ZNF320: variants seen among roughly 807,000 people sequenced by gnomAD.
ZNF320 encodes zinc finger protein 320, also known as zinc finger gene 320.
ZNF320 carries 2 observed loss-of-function variants against 6.8 expected under a neutral mutation model. The ratio of observed to expected loss-of-function variants is 0.29; its 90% CI spans 0.12 to 0.93. ZNF320 has a LOEUF of 0.93. ZNF320 is among the 40% of genes least tolerant of loss of function. The pLI is 0.55. For missense variants in ZNF320, 472 were observed against 611.0 expected (o/e 0.77, Z 2.40); for synonymous variants, 208 against 203.2 (o/e 1.02, Z -0.20).
chr19:52,886,666 C>T (rs2064088809), intron 5 of ZNF320, among the ~76,000 whole-genome samples: 1 of 152,032 alleles, frequency 6.6e-6, no homozygotes, highest in African/African-American at 2.4e-5. Context: ...TTGGGCATGG[C>T]AGCTCGCGCC....
At position 52,887,589 on chromosome 19, in the gene ZNF320, GTTTTGT is replaced by G. The variant is rs749966426; in HGVS notation, c.142+532_142+537del. Among the ~76,000 whole-genome samples, 185 of 152,162 alleles carry G rather than the reference GTTTTGT, an allele frequency of 1.2e-3. 1 individual carries two copies. The highest frequency in any genetic ancestry group is 2.3e-3 in the Non-Finnish European group (154 of 67,970). On this transcript the variant is annotated intron_variant, in intron 5 of 5. Transcript: ENST00000682928. ...GGATATGTTTAAAGTCTACCATAAG[GTTTTGT>G]TTTTGTTTTTTGAGACAGTCTTGCT...
At chr19:52,888,043 A>C (rs2064149773) in intron 5 of ZNF320, 84 bp downstream of exon 5, 2 of 1,590,520 alleles carry the variant, frequency 1.3e-6, no homozygotes, top group Admixed American at 3.7e-5. Context: ...TAGTCAAGCA[A>C]GGATGCAACT....
At chr19:52,870,624 C>T (rs1001929344) in intron 5 of ZNF320, among the ~76,000 whole-genome samples, 32 of 151,978 alleles carry the variant, frequency 2.1e-4, no homozygotes, top group African/African-American at 6.5e-4. Context: ...TGCCATTACA[C>T]GTGTGGTGGT....
intron 5 of ZNF320, among the ~76,000 whole-genome samples, chr19:52,887,013 A>AAAG (rs57262460): frequency 0.32 from 45,217 of 143,046 alleles, 7,742 homozygotes; most frequent in African/African-American, 0.37. Flanking sequence ...AAGGAAAAGA[A>AAAG]AAAACAAAAC....
intron 1 of ZNF320, among the ~76,000 whole-genome samples, chr19:52,894,619 A>C (rs749168613): frequency 6.6e-6 from 1 of 152,176 alleles, no homozygotes; most frequent in African/African-American, 2.4e-5. Flanking sequence ...CACGCCTGTA[A>C]TCCTAGCACT....
intron 1 of ZNF320, chr19:52,895,324 C>CGCAGT (rs1339299410): frequency 2.0e-5 from 3 of 151,916 alleles, no homozygotes; most frequent in Non-Finnish European, 4.4e-5. Flanking sequence ...ATTAGCTTGG[C>CGCAGT]GCAGTGGCAC....
intron 1 of ZNF320, among the ~76,000 whole-genome samples, chr19:52,896,353 A>G (rs1319205296): frequency 6.6e-6 from 1 of 152,146 alleles, no homozygotes; most frequent in East Asian, 1.9e-4. Context: ...GGCCTCCCAA[A>G]GTGCTGGGAT....
In ZNF320 at chr19:52,878,136, G is replaced by C. The variant is rs559526286; in HGVS notation, c.*2460C>G. The C allele has an allele frequency of 4.8e-6, 1 of 208,988 alleles. No individual in the cohort carries two copies. The highest frequency in any genetic ancestry group is 4.2e-5 in the Admixed American group (1 of 23,834). The allele number at this position is 208,988 out of a possible 1,614,324, so 12.9% of individuals were successfully genotyped here. On this transcript the variant is annotated 3_prime_UTR_variant, in exon 6 of 6. Transcript: ENST00000682928. ...CATGAATATGTGTGCCATCTCATAT[G>C]CAATTCCTTATAGATCCAGCTTGGC...
At chr19:52,882,492 A>G (rs991729996) in intron 5 of ZNF320, among the ~76,000 whole-genome samples, 2 of 152,226 alleles carry the variant, frequency 1.3e-5, no homozygotes, top group Non-Finnish European at 2.9e-5. Flanking sequence ...AGATAAGATT[A>G]CAAAAATTAG....
Position 52,876,671 on chromosome 19 carries a change from T to C in ZNF320, c.*3925A>G, listed in dbSNP as rs368720241. The C allele has an allele frequency of 2.0e-5, 3 of 152,330 alleles. No homozygotes were observed. The highest frequency in any genetic ancestry group is 4.1e-4 in the South Asian group (2 of 4,822). 9.4% of individuals were successfully genotyped at this position (152,330 alleles called of 1,614,324 possible). ...CGCCACCACACCAGGCTAATTTCTA[T>C]ATTTTGGTCAAAACGAGGATTCGCC... On this transcript the variant is annotated 3_prime_UTR_variant, in exon 6 of 6. Coordinates refer to ENST00000682928, the MANE Select transcript of ZNF320 (RefSeq NM_001351774.2).
chr19:52,899,864 C>A (rs1035622107), upstream of ZNF320, among the ~76,000 whole-genome samples: 2 of 152,136 alleles, frequency 1.3e-5, no homozygotes, highest in Admixed American at 1.3e-4. Context: ...CTGTATGATT[C>A]GGTTGAGCAT....
chr19:52,893,323 G>GTA (rs772877788), intron 2 of ZNF320: 4 of 152,032 alleles, frequency 2.6e-5, no homozygotes, highest in Admixed American at 6.6e-5. Context: ...TAATAATTAT[G>GTA]TATATATATT....
At chr19:52,903,106 G>A in the ZNF320 span, among the ~76,000 whole-genome samples, 1 of 151,892 alleles carries the variant, frequency 6.6e-6, no homozygotes. Context: ...TCAATAATAG[G>A]AGGCCTTATT....
chr19:52,865,577 T>TATACATATATTTATA (rs2063538343), intron 5 of ZNF320: 1 of 122,056 alleles, frequency 8.2e-6, no homozygotes, highest in African/African-American at 3.4e-5. Flanking sequence ...ACATATATAT[T>TATACATATATTTATA]TATATGATTA....
At position 52,880,513 on chromosome 19, in the gene ZNF320, C is replaced by A; in HGVS notation, c.*83G>T. On this transcript the variant is annotated 3_prime_UTR_variant, in exon 6 of 6. Coordinates refer to ENST00000682928, the MANE Select transcript of ZNF320 (RefSeq NM_001351774.2). ...ACCACGCCTGGCCCAATCCTCTTAACATAAACAGTTTAATGTCGATTAATG... is the reference window on the plus strand; with the variant it reads ...ACCACGCCTGGCCCAATCCTCTTAAAATAAACAGTTTAATGTCGATTAATG... The A allele has an allele frequency of 7.1e-7, 1 of 1,404,864 alleles. No homozygotes were observed. Among genetic ancestry groups the A allele is most frequent in the South Asian group, 1.4e-5 (1 of 73,120 alleles). 87.0% of individuals were successfully genotyped at this position (1,404,864 alleles called of 1,614,324 possible).
chr19:52,866,869 C>CAAAAAAAA (rs58231328), intron 5 of ZNF320, among the ~76,000 whole-genome samples: 22 of 108,890 alleles, frequency 2.0e-4, no homozygotes, highest in African/African-American at 4.2e-4. Context: ...ACAAAACATA[C>CAAAAAAAA]AAAAAAAAAA....
chr19:52,885,561 C>T (rs571259494), intron 5 of ZNF320, among the ~76,000 whole-genome samples: 1 of 151,628 alleles, frequency 6.6e-6, no homozygotes, highest in South Asian at 2.1e-4. Flanking sequence ...CTAAAAATAC[C>T]AAAAATTAGC....
chr19:52,882,583 T>A lies in ZNF320; in HGVS notation c.143-600A>T, dbSNP rs566734899. 4.1e-4 allele frequency among the ~76,000 whole-genome samples: 62 copies of A among 152,236 alleles called. 1 individual carries two copies. Among genetic ancestry groups the A allele is most frequent in the African/African-American group, 1.5e-3 (61 of 41,554 alleles). ...AATTGATTTAAGCCAAGATGCAAAG[T>A]TTGCAGTGAGCCCACATCGCACCAC... On this transcript the variant is annotated intron_variant, in intron 5 of 5. Transcript: ENST00000682928.
chr19:52,888,911 C>T (rs2064194663), intron 4 of ZNF320, among the ~76,000 whole-genome samples: 2 of 152,030 alleles, frequency 1.3e-5, no homozygotes, highest in African/African-American at 4.8e-5. Context: ...TTTTGCAGGG[C>T]GCAGTGGCTC....
Sources: gnomAD v4.1 joint callset for allele counts (sites outside exome capture counted in the v4.1 genomes callset) on GRCh38, gnomAD v4.1.1 for gene constraint, MANE v1.5 for transcripts, NCBI Gene and HGNC (gene_info 2026-07-23, HGNC 2026-07-21) for gene names.